Variants in BCR observed in about 807,000 individuals in gnomAD.
The protein encoded by BCR is breakpoint cluster region protein.
A neutral mutation model predicts 138.6 loss-of-function variants in BCR; 58 were observed. That is an observed-to-expected ratio of 0.42 (90% CI 0.34 to 0.52). BCR has a LOEUF of 0.52. BCR is among the 20% of genes least tolerant of loss of function. The pLI, the probability that BCR is intolerant of heterozygous loss-of-function variation, is 0.06. For synonymous variants in BCR, 786 were observed against 730.1 expected, an observed-to-expected ratio of 1.08 and a Z score of -1.23; for missense variants, 1,599 against 1,727.2, an observed-to-expected ratio of 0.93 and a Z score of 1.32.
chr22:23,257,607 G>T (rs573064738), intron 2 of BCR, among the ~76,000 whole-genome samples: 2 of 152,340 alleles, frequency 1.3e-5, no homozygotes, highest in East Asian at 3.9e-4. Flanking sequence ...AGCAGGGAGC[G>T]GCATCTGCAC....
intron 6 of BCR, among the ~76,000 whole-genome samples, chr22:23,272,810 G>T (rs1432889159): frequency 6.6e-6 from 1 of 152,196 alleles, no homozygotes; most frequent in African/African-American, 2.4e-5. Context: ...TAGAGGAGCA[G>T]CAGTGCTGAG....
rs758442699 is a variant in BCR at position 23,181,041 on chromosome 22, A to G, written c.81A>G (p.Ser27=). The change falls in exon 1 of 23, where the codon TCA becomes TCG. Residue 27 remains serine (S), a synonymous_variant. Transcript: ENST00000305877. ...DSEPPRMELR[S]VGDIEQELER... ...AGCCCCCGCGCATGGAGCTGCGCTC[A>G]GTGGGCGACATCGAGCAGGAGCTGG... 3.1e-5 allele frequency: 47 copies of G among 1,521,034 alleles called. 1 individual carries two copies. In the South Asian group the frequency reaches 5.6e-4, roughly 18 times the overall value. 94.2% of individuals were successfully genotyped at this position (1,521,034 alleles called of 1,614,324 possible). A position where few individuals can be genotyped will look rare whatever the true frequency, so the allele number is the denominator to read the frequency against.
intron 9 of BCR, among the ~76,000 whole-genome samples, chr22:23,284,485 C>A (rs1486804887): frequency 1.3e-5 from 2 of 152,120 alleles, no homozygotes; most frequent in African/African-American, 4.8e-5. Context: ...ACACACTCCC[C>A]TCCTCCCTCC....
chr22:23,215,473 C>G (rs1406121911), intron 1 of BCR, among the ~76,000 whole-genome samples: 2 of 152,188 alleles, frequency 1.3e-5, no homozygotes, highest in Non-Finnish European at 2.9e-5. Context: ...GGCGGGAATT[C>G]TTAGAAAGGA....
At chr22:23,244,396 G>A (rs867776661) in intron 1 of BCR, among the ~76,000 whole-genome samples, 1 of 152,154 alleles carries the variant, frequency 6.6e-6, no homozygotes, top group African/African-American at 2.4e-5. Flanking sequence ...CACTACAGTG[G>A]GCTTCTCACC....
intron 1 of BCR, among the ~76,000 whole-genome samples, chr22:23,250,701 A>G (rs1250949717): frequency 6.6e-6 from 1 of 152,178 alleles, no homozygotes; most frequent in African/African-American, 2.4e-5. Context: ...TTTTAGAGCT[A>G]GAGGGTCTTT....
At chr22:23,213,848 AAAG>A (rs10560949) in intron 1 of BCR, among the ~76,000 whole-genome samples, 6,635 of 151,444 alleles carry the variant, frequency 0.044, 476 homozygotes, top group African/African-American at 0.15. Flanking sequence ...AAAAAAAAAA[AAAG>A]AAGAAGAAGG....
At chr22:23,273,017 G>T (rs1304074633) in intron 6 of BCR, 64 bp from the exon 7 acceptor site, 1 of 1,566,478 alleles carries the variant, frequency 6.4e-7, no homozygotes, top group Non-Finnish European at 8.8e-7. Context: ...TGCACCGAGG[G>T]TGGTCAGGCA....
At chr22:23,188,698 A>C (rs2072377252) in intron 1 of BCR, among the ~76,000 whole-genome samples, 2 of 151,972 alleles carry the variant, frequency 1.3e-5, no homozygotes, top group Admixed American at 6.5e-5. Flanking sequence ...TGGTGGATTA[A>C]ATTAACTATG....
At chr22:23,209,157 A>G (rs1251887806) in intron 1 of BCR, among the ~76,000 whole-genome samples, 1 of 152,064 alleles carries the variant, frequency 6.6e-6, no homozygotes, top group Non-Finnish European at 1.5e-5. Flanking sequence ...CAGGAGTTCA[A>G]GACCACCCAG....
At position 23,208,674 on chromosome 22, in the gene BCR, G is replaced by GA; in HGVS notation, c.1279+26438dup. ...TCAAGACCAGTCTGGCCAACGTGGT[G>GA]AAACCCCGTCTCTACTAAAAATACA... On this transcript the variant is annotated intron_variant, in intron 1 of 22. Coordinates refer to ENST00000305877, the MANE Select transcript of BCR (RefSeq NM_004327.4). Among the ~76,000 whole-genome samples, 3 of 152,252 alleles carry GA rather than the reference G, an allele frequency of 2.0e-5. No homozygotes were observed. The Middle Eastern group carries it at 0.01, about 518-fold the overall frequency.
intron 4 of BCR, chr22:23,262,758 G>C (rs1209929254): frequency 1.1e-6 from 1 of 925,002 alleles, no homozygotes; most frequent in Non-Finnish European, 1.3e-6. Context: ...CTGCAGGAAG[G>C]GAGGGTGACG....
At chr22:23,284,948 A>G in intron 9 of BCR, 85 bp from the exon 10 acceptor site, 2 of 1,464,028 alleles carry the variant, frequency 1.4e-6, no homozygotes, top group Non-Finnish European at 1.9e-6. Flanking sequence ...GGCCGAGAAC[A>G]CTGGCTCTTG....
At chr22:23,295,266 G>A in intron 16 of BCR, 111 bp downstream of exon 16, 1 of 1,273,880 alleles carries the variant, frequency 7.9e-7, no homozygotes, top group Non-Finnish European at 1.1e-6. Context: ...GGGTGGGGTG[G>A]GCAGCTGTGG....
chr22:23,257,260 G>A (rs565656078), intron 2 of BCR, among the ~76,000 whole-genome samples: 1 of 152,266 alleles, frequency 6.6e-6, no homozygotes, highest in Middle Eastern at 3.4e-3. Flanking sequence ...CCCCGTCCAT[G>A]CCCTGAGCCA....
At chr22:23,251,624 C>T (rs1023112390) in intron 1 of BCR, among the ~76,000 whole-genome samples, 24 of 152,260 alleles carry the variant, frequency 1.6e-4, no homozygotes, top group African/African-American at 5.3e-4. Flanking sequence ...GGGTCAGTTG[C>T]TCTGAGTGCC....
chr22:23,251,398 C>T (rs369294093), intron 1 of BCR, among the ~76,000 whole-genome samples: 1 of 152,248 alleles, frequency 6.6e-6, no homozygotes, highest in East Asian at 1.9e-4. Flanking sequence ...CAGGTGTTGC[C>T]GACGTGCAGC....
At chr22:23,219,388 G>T (rs187631653) in intron 1 of BCR, among the ~76,000 whole-genome samples, 2 of 152,282 alleles carry the variant, frequency 1.3e-5, no homozygotes, top group East Asian at 3.9e-4. Context: ...CCCCACCATG[G>T]CTCCAGAGTC....
chr22:23,206,223 G>A (rs1315551188), intron 1 of BCR, among the ~76,000 whole-genome samples: 1 of 152,154 alleles, frequency 6.6e-6, no homozygotes, highest in African/African-American at 2.4e-5. Flanking sequence ...GGGGTAATGG[G>A]CATTCATGAT....
Sources: gnomAD v4.1 joint callset for allele counts (sites outside exome capture counted in the v4.1 genomes callset) on GRCh38, gnomAD v4.1.1 for gene constraint, MANE v1.5 for transcripts, NCBI Gene and HGNC (gene_info 2026-07-23, HGNC 2026-07-21) for gene names.